Variants in MACO1 observed in about 807,000 individuals in gnomAD.
MACO1 encodes macoilin 1.
In MACO1, 14 loss-of-function variants were observed where a neutral mutation model predicts 78.7. The ratio of observed to expected loss-of-function variants is 0.18; its 90% CI spans 0.12 to 0.28. The LOEUF is 0.28. MACO1 is among the 10% of genes least tolerant of loss of function. The pLI, the probability that MACO1 is intolerant of heterozygous loss-of-function variation, is 1.00. For missense variants in MACO1, 501 were observed against 799.0 expected, an observed-to-expected ratio of 0.63 and a Z score of 4.50; for synonymous variants, 288 against 291.6, an observed-to-expected ratio of 0.99 and a Z score of 0.12.
intron 10 of MACO1, among the ~76,000 whole-genome samples, chr1:25,492,490 G>C (rs1353332049): frequency 6.6e-6 from 1 of 152,068 alleles, no homozygotes; most frequent in Non-Finnish European, 1.5e-5. Context: ...CTTCCGGGGA[G>C]GGGGCAGCAA....
In MACO1 at chr1:25,431,073, C is replaced by A. The variant is rs1422658177; in HGVS notation, c.-26C>A. 6 of 1,559,122 alleles carry A rather than the reference C, an allele frequency of 3.8e-6. No homozygotes were observed. Among genetic ancestry groups the A allele is most frequent in the Non-Finnish European group, 5.2e-6 (6 of 1,154,978 alleles). On this transcript the variant is annotated 5_prime_UTR_variant, in exon 1 of 11. Coordinates refer to ENST00000374343, the MANE Select transcript of MACO1 (RefSeq NM_018202.6). ...GAGGTGAGAGACGGCGGCGGCGGCGCGGGCACCCGGCCCCCCAGCGGGAGG... is the reference window on the plus strand; with the variant it reads ...GAGGTGAGAGACGGCGGCGGCGGCGAGGGCACCCGGCCCCCCAGCGGGAGG...
intron 9 of MACO1, 42 bp from the exon 10 acceptor site, chr1:25,491,368 C>T (rs1297007522): frequency 1.2e-6 from 2 of 1,608,480 alleles, no homozygotes; most frequent in African/African-American, 1.3e-5. Flanking sequence ...ACATCGATGC[C>T]AAAACTACCT....
chr1:25,441,681 G>A (rs954377427), intron 1 of MACO1, among the ~76,000 whole-genome samples: 6 of 152,318 alleles, frequency 3.9e-5, no homozygotes, highest in Admixed American at 2.6e-4. Context: ...AGGATGCTAC[G>A]TGAATATGTA....
intron 4 of MACO1, among the ~76,000 whole-genome samples, chr1:25,455,852 C>A (rs1346185220): frequency 1.3e-5 from 2 of 152,108 alleles, no homozygotes; most frequent in African/African-American, 4.8e-5. Flanking sequence ...AATTAGTCAC[C>A]TGAATTTGAC....
At chr1:25,495,158 GT>G (rs757034885) in intron 10 of MACO1, among the ~76,000 whole-genome samples, 34 of 152,138 alleles carry the variant, frequency 2.2e-4, no homozygotes, top group Non-Finnish European at 4.4e-4. Flanking sequence ...CTTCAACCCT[GT>G]TTACTTGGTT....
chr1:25,474,771 C>T (rs570511389), intron 6 of MACO1, among the ~76,000 whole-genome samples: 5 of 152,172 alleles, frequency 3.3e-5, no homozygotes, highest in Non-Finnish European at 7.3e-5. Context: ...ACAAAATACA[C>T]CAAAACTCAG....
intron 10 of MACO1, among the ~76,000 whole-genome samples, chr1:25,492,118 A>C (rs1323602418): frequency 6.6e-6 from 1 of 152,182 alleles, no homozygotes; most frequent in Non-Finnish European, 1.5e-5. Flanking sequence ...TCCAAGCTGC[A>C]GCCAGCCTGC....
At chr1:25,475,205 C>A (rs1309838409) in intron 6 of MACO1, among the ~76,000 whole-genome samples, 2 of 151,980 alleles carry the variant, frequency 1.3e-5, no homozygotes, top group African/African-American at 4.8e-5. Flanking sequence ...ATTAGCCGGG[C>A]AAGGTGGCGG....
intron 10 of MACO1, among the ~76,000 whole-genome samples, chr1:25,497,889 C>CT (rs2043551892): frequency 6.6e-6 from 1 of 152,196 alleles, no homozygotes. Context: ...TTCCTGGAAA[C>CT]TGACTTCTTT....
rs1488758071 is a variant in MACO1 at position 25,448,740 on chromosome 1, AACAATGTGTGGTTGAAAAT to A, written c.223-66_223-48del. 7 of 1,386,416 alleles carry A rather than the reference AACAATGTGTGGTTGAAAAT, an allele frequency of 5.0e-6. No homozygotes were observed. In the East Asian group the frequency reaches 1.5e-4, roughly 29 times the overall value. The allele number at this position is 1,386,416 out of a possible 1,614,324, so 85.9% of individuals were successfully genotyped here. ...CAATAATTTTGTCCAACATGTGTTT[AACAATGTGTGGTTGAAAAT>A]AACAGGTTCTAAGATGTATCTTTTA... is the stretch of plus-strand genomic sequence containing the variant. On this transcript the variant is annotated intron_variant, in intron 2 of 10. Coordinates refer to ENST00000374343, the MANE Select transcript of MACO1 (RefSeq NM_018202.6).
At chr1:25,460,732 A>G (rs1270054423) in intron 6 of MACO1, among the ~76,000 whole-genome samples, 1 of 152,074 alleles carries the variant, frequency 6.6e-6, no homozygotes, top group Non-Finnish European at 1.5e-5. Context: ...CCAGATGGCT[A>G]ATTGTCCAGT....
Position 25,458,869 on chromosome 1 carries a change from A to G in MACO1, c.1131A>G (p.Leu377=), listed in dbSNP as rs766818075. ...LMENCIPNNQ[L]SKPDALVRLE... ...AAAACTGTATTCCTAATAACCAGCT[A>G]AGCAAACCAGACGCACTGGTCAGGT... is the stretch of plus-strand genomic sequence containing the variant. Residue 377 remains leucine (L), a synonymous_variant, in exon 6 of 11, where the codon CTA becomes CTG. Coordinates refer to ENST00000374343, the MANE Select transcript of MACO1 (RefSeq NM_018202.6). The G allele has an allele frequency of 6.2e-7, 1 of 1,613,536 alleles. No homozygotes were observed. Among genetic ancestry groups the G allele is most frequent in the African/African-American group, 1.3e-5 (1 of 74,894 alleles).
chr1:25,458,469 C>T lies in MACO1; in HGVS notation c.731C>T (p.Ser244Phe). The change falls in exon 6 of 11, where the codon TCC (serine) becomes TTC (phenylalanine). Residue 244 changes from serine (S) to phenylalanine (F), a missense_variant. Physicochemically the swap from Ser to Phe is radical, Grantham distance 155. Coordinates refer to ENST00000374343, the MANE Select transcript of MACO1 (RefSeq NM_018202.6). ...GGTATCCCAGCCAACAAAAAACTCT[C>T]CACAACTTTGCCAGAGATAGAATAC... ...NGGIPANKKL[S>F]TTLPEIEYRE... The T allele has an allele frequency of 6.2e-7, 1 of 1,613,636 alleles. No homozygotes were observed.
intron 5 of MACO1, among the ~76,000 whole-genome samples, chr1:25,458,181 T>A (rs929147803): frequency 4.6e-5 from 7 of 152,224 alleles, no homozygotes; most frequent in Admixed American, 4.6e-4. Flanking sequence ...AATGTAGAGT[T>A]TCTCAAATGT....
chr1:25,441,039 T>C (rs1308530349), intron 1 of MACO1, among the ~76,000 whole-genome samples: 1 of 152,208 alleles, frequency 6.6e-6, no homozygotes, highest in Non-Finnish European at 1.5e-5. Context: ...AGAAGCTGCA[T>C]TGGTTATCTT....
At chr1:25,483,106 A>G (rs1231412722) in intron 6 of MACO1, among the ~76,000 whole-genome samples, 1 of 152,174 alleles carries the variant, frequency 6.6e-6, no homozygotes, top group Non-Finnish European at 1.5e-5. Flanking sequence ...GCTGGAGTGC[A>G]GTGGCATGAT....
Position 25,498,346 on chromosome 1 carries a change from A to T in MACO1, c.1875A>T (p.Thr625=). The change falls in exon 11 of 11, where the codon ACA becomes ACT. Residue 625 remains threonine (T), a synonymous_variant. Transcript: ENST00000374343. ...TCATGGCCGTCATGCCCAGCATAAC[A>T]TACAGTGCCGCCACCAGCCCCCTGA... ...AEVMAVMPSI[T]YSAATSPLSP... 6.2e-7 allele frequency: 1 copy of T among 1,614,156 alleles called. No homozygotes were observed. The highest frequency in any genetic ancestry group is 8.5e-7 in the Non-Finnish European group (1 of 1,180,026).
intron 6 of MACO1, among the ~76,000 whole-genome samples, chr1:25,468,971 G>T (rs1174527464): frequency 6.6e-6 from 1 of 152,130 alleles, no homozygotes; most frequent in Non-Finnish European, 1.5e-5. Flanking sequence ...CTCCCAAGTA[G>T]CTGGGATTAC....
chr1:25,480,972 A>ATATT (rs1360102628), intron 6 of MACO1, among the ~76,000 whole-genome samples: 3 of 113,134 alleles, frequency 2.7e-5, no homozygotes, highest in Non-Finnish European at 5.4e-5. Flanking sequence ...ATATATATAT[A>ATATT]TATTTCATGT....
Sources: allele counts gnomAD v4.1 joint callset (sites outside exome capture counted in the v4.1 genomes callset), GRCh38; gene constraint gnomAD v4.1.1; transcripts MANE v1.5; gene names NCBI Gene and HGNC (gene_info 2026-07-23, HGNC 2026-07-21).